The following RASAL2 variants were observed in gnomAD, a reference collection of about 807,000 sequenced individuals.
RASAL2 encodes RAS protein activator like 2.
Under a neutral mutation model 128.9 loss-of-function variants are expected in RASAL2, and 58 were observed. That is an observed-to-expected ratio of 0.45 (90% CI 0.36 to 0.56). The LOEUF (loss-of-function observed/expected upper bound fraction) is 0.56, where lower values mean the gene tolerates loss of function less well. Among genes scored for constraint, RASAL2 ranks in the 20% least tolerant of loss-of-function variants. The pLI is 0.00. For missense variants in RASAL2, 1,360 were observed against 1,601.6 expected (o/e 0.85, Z 2.57); for synonymous variants, 561 against 580.8 (o/e 0.97, Z 0.49).
In RASAL2 at chr1:178,454,523, C is replaced by G; in HGVS notation, c.2086C>G (p.Leu696Val). Reference sequence around the variant, plus strand: ...TGAATGGGGTGGAATGAAGCGCTTTCTTTTGGAGATCTCTAATCCAGACAC... The same window carrying G: ...TGAATGGGGTGGAATGAAGCGCTTTGTTTTGGAGATCTCTAATCCAGACAC... ...EHEWGGMKRF[L>V]LEISNPDTIS... The change falls in exon 12 of 18, where the codon CTT (leucine) becomes GTT (valine). Residue 696 changes from leucine (L) to valine (V), a missense_variant. Transcript: ENST00000367649. The G allele has an allele frequency of 6.2e-7, 1 of 1,613,680 alleles. No individual in the cohort carries two copies. Among genetic ancestry groups the G allele is most frequent in the Non-Finnish European group, 8.5e-7 (1 of 1,179,648 alleles).
At chr1:178,143,426 T>C (rs1038907566) in intron 1 of RASAL2, among the ~76,000 whole-genome samples, 4 of 152,016 alleles carry the variant, frequency 2.6e-5, no homozygotes, top group Non-Finnish European at 4.4e-5. Context: ...TTCAGGCCTT[T>C]GCTGCAATTT....
intron 1 of RASAL2, among the ~76,000 whole-genome samples, chr1:178,183,460 G>A (rs756059207): frequency 7.9e-5 from 12 of 152,068 alleles, no homozygotes; most frequent in Admixed American, 6.6e-5. Flanking sequence ...AGAATATCCC[G>A]AAGAATATCC....
At chr1:178,311,704 G>A (rs1370572350) in intron 3 of RASAL2, among the ~76,000 whole-genome samples, 1 of 152,130 alleles carries the variant, frequency 6.6e-6, no homozygotes, top group Non-Finnish European at 1.5e-5. Flanking sequence ...ACAGGCAGGA[G>A]ATTAGTAGAA....
chr1:178,160,910 G>C (rs144412504), intron 1 of RASAL2, among the ~76,000 whole-genome samples: 9 of 152,208 alleles, frequency 5.9e-5, no homozygotes, highest in African/African-American at 2.2e-4. Flanking sequence ...ATGATTTTCC[G>C]AAAGAATTTG....
chr1:178,251,935 TAA>T (rs1396615899), intron 1 of RASAL2, among the ~76,000 whole-genome samples: 4 of 152,230 alleles, frequency 2.6e-5, no homozygotes, highest in Admixed American at 6.5e-5. Context: ...TGTTTATATA[TAA>T]GTCTCTAAGT....
intron 1 of RASAL2, among the ~76,000 whole-genome samples, chr1:178,270,641 T>A (rs1453438530): frequency 2.1e-5 from 3 of 142,998 alleles, no homozygotes; most frequent in South Asian, 2.2e-4. Context: ...TTTTTTTTTT[T>A]ATGTCTATAT....
rs142044242 is a variant in RASAL2 at position 178,426,511 on chromosome 1, G to C, written c.674+5891G>C. On this transcript the variant is annotated intron_variant, in intron 5 of 17. Coordinates refer to ENST00000367649, the MANE Select transcript of RASAL2 (RefSeq NM_170692.4). ...TAATAATAAGCCAGTCAGTCACAAA[G>C]TACCACATATTGGATGATTCCATGT... Among the ~76,000 whole-genome samples the C allele has an allele frequency of 7.1e-3, 1,083 of 152,160 alleles. 7 individuals carry two copies. Among genetic ancestry groups the C allele is most frequent in the Non-Finnish European group, 0.01 (707 of 68,016 alleles).
At chr1:178,239,867 T>C (rs1412919902) in intron 1 of RASAL2, among the ~76,000 whole-genome samples, 8 of 152,060 alleles carry the variant, frequency 5.3e-5, no homozygotes, top group Non-Finnish European at 1.2e-4. Flanking sequence ...TTGAGCTGGA[T>C]GGAGGTGTTC....
chr1:178,212,550 G>A (rs1663288812), intron 1 of RASAL2, among the ~76,000 whole-genome samples: 1 of 152,138 alleles, frequency 6.6e-6, no homozygotes, highest in Admixed American at 6.5e-5. Context: ...GGAGTGCAGT[G>A]GCATGATCTC....
chr1:178,326,268 A>G (rs1669036023), intron 3 of RASAL2, among the ~76,000 whole-genome samples: 2 of 152,216 alleles, frequency 1.3e-5, no homozygotes. Flanking sequence ...TCAAAGGTAT[A>G]TGGTATCAGT....
chr1:178,303,537 G>C (rs533588032), intron 3 of RASAL2, among the ~76,000 whole-genome samples: 2 of 151,608 alleles, frequency 1.3e-5, no homozygotes, highest in East Asian at 3.9e-4. Flanking sequence ...GCTGCATTCA[G>C]AACCATCCTG....
intron 1 of RASAL2, among the ~76,000 whole-genome samples, chr1:178,166,268 G>T (rs965990161): frequency 2.6e-5 from 4 of 152,076 alleles, no homozygotes; most frequent in African/African-American, 9.7e-5. Context: ...TAAAATTCAA[G>T]GCATGCCATC....
chr1:178,238,811 A>G (rs1182506105), intron 1 of RASAL2, among the ~76,000 whole-genome samples: 1 of 152,072 alleles, frequency 6.6e-6, no homozygotes, highest in Non-Finnish European at 1.5e-5. Flanking sequence ...ATTTGTCTGC[A>G]TTTCCAGGAT....
intron 3 of RASAL2, among the ~76,000 whole-genome samples, chr1:178,338,553 A>C (rs1271992767): frequency 6.6e-6 from 1 of 152,248 alleles, no homozygotes; most frequent in Non-Finnish European, 1.5e-5. Flanking sequence ...TTCAAAATTC[A>C]GCAAGTATAC....
intron 1 of RASAL2, among the ~76,000 whole-genome samples, chr1:178,117,366 A>G (rs1228295108): frequency 1.3e-5 from 2 of 152,252 alleles, no homozygotes; most frequent in Admixed American, 1.3e-4. Context: ...TTAGTTTAAA[A>G]CAGACTTTAA....
rs1047823077 is a variant in RASAL2, at chr1:178,441,452, C to T, written c.829-97C>T. On this transcript the variant is annotated intron_variant, in intron 6 of 17. Transcript: ENST00000367649. ...CATCCTAATTCCAGGACATTTCGAC[C>T]TTATCATTTAAGAGTTAGAGGTATG... 5.0e-6 allele frequency: 4 copies of T among 793,652 alleles called. No individual in the cohort carries two copies. The African/African-American group carries it at 7.0e-5, about 14-fold the overall frequency. 49.2% of individuals were successfully genotyped at this position (793,652 alleles called of 1,614,324 possible).
chr1:178,298,922 C>A (rs934147202), intron 2 of RASAL2, among the ~76,000 whole-genome samples: 29 of 150,928 alleles, frequency 1.9e-4, no homozygotes, highest in African/African-American at 4.9e-4. Context: ...AAAAAAAAAA[C>A]CCCAAAACCA....
At position 178,244,693 on chromosome 1, in the gene RASAL2, G is replaced by A. The variant is rs187600400; in HGVS notation, c.203-38871G>A. ...CATCTATGTTTTAAGCCCCACATGC[G>A]TTAGATATTTGTCCTAATGCTCTCC... On this transcript the variant is annotated intron_variant, in intron 1 of 17. Transcript: ENST00000367649. Among the ~76,000 whole-genome samples, 630 of 152,018 alleles carry A rather than the reference G, an allele frequency of 4.1e-3. 1 individual carries two copies. The highest frequency in any genetic ancestry group is 9.0e-3 in the African/African-American group (372 of 41,500).
At chr1:178,410,230 A>G (rs1674273945) in intron 4 of RASAL2, among the ~76,000 whole-genome samples, 1 of 152,120 alleles carries the variant, frequency 6.6e-6, no homozygotes, top group Non-Finnish European at 1.5e-5. Context: ...GAAATCAGAG[A>G]AAAAAATATT....
Sources: allele counts gnomAD v4.1 joint callset (sites outside exome capture counted in the v4.1 genomes callset), GRCh38; gene constraint gnomAD v4.1.1; transcripts MANE v1.5; gene names NCBI Gene and HGNC (gene_info 2026-07-23, HGNC 2026-07-21).